The following YJEFN3 variants were observed in gnomAD, a reference collection of about 807,000 sequenced individuals.
The protein encoded by YJEFN3 is yjeF N-terminal domain-containing protein 3.
In YJEFN3, 29 loss-of-function variants were observed where a neutral mutation model predicts 31.5. The observed-to-expected ratio is 0.92, with a 90% CI of 0.69 to 1.26. YJEFN3 has a LOEUF of 1.26. YJEFN3 is among the 50% of genes most tolerant of loss of function. The pLI is 0.00. For synonymous variants in YJEFN3, 227 were observed against 196.1 expected, an observed-to-expected ratio of 1.16 and a Z score of -1.32; for missense variants, 442 against 425.4, an observed-to-expected ratio of 1.04 and a Z score of -0.34.
chr19:19,535,088 G>A lies in YJEFN3; in HGVS notation c.373G>A (p.Gly125Ser). 2 of 1,612,158 alleles carry A rather than the reference G, an allele frequency of 1.2e-6. No homozygotes were observed. The highest frequency in any genetic ancestry group is 1.7e-6 in the Non-Finnish European group (2 of 1,179,162). ...RKQRTVLVVC[G>S]PEQNGAVGLV... ...GCAGAGGACGGTGCTGGTCGTGTGT[G>A]GCCCGGAGCAGAACGGGGCAGTGGG... Residue 125 changes from glycine (G) to serine (S), a missense_variant, in exon 4 of 7, where the codon GGC becomes AGC. Transcript: ENST00000514277.
At chr19:19,536,992 T>C (rs1292826488) in intron 6 of YJEFN3, among the ~76,000 whole-genome samples, 1 of 151,916 alleles carries the variant, frequency 6.6e-6, no homozygotes, top group Non-Finnish European at 1.5e-5. Flanking sequence ...GGCGATTGAA[T>C]AGTAGGATAG....
At chr19:19,535,992 C>T in intron 6 of YJEFN3, 1 of 561,750 alleles carries the variant, frequency 1.8e-6, no homozygotes, top group Non-Finnish European at 3.1e-6. Flanking sequence ...TGGCTGCCGC[C>T]CCATGCCTGT....
At position 19,537,536 on chromosome 19, in the gene YJEFN3, G is replaced by A. The variant is rs570339746; in HGVS notation, c.*12G>A. On this transcript the variant is annotated 3_prime_UTR_variant, in exon 7 of 7. Coordinates refer to ENST00000514277, the MANE Select transcript of YJEFN3 (RefSeq NM_198537.4). ...TCGCGGCACTGTGACCGCCACCCGC[G>A]GCCACACCGCAGGGACCCTCGCCAA... 4 of 1,541,922 alleles carry A rather than the reference G, an allele frequency of 2.6e-6. No homozygotes were observed. The highest frequency in any genetic ancestry group is 1.2e-5 in the South Asian group (1 of 85,218).
chr19:19,532,781 G>A (rs921975954), intron 3 of YJEFN3, 41 bp downstream of exon 3: 2 of 1,458,950 alleles, frequency 1.4e-6, no homozygotes, highest in South Asian at 2.5e-5. Context: ...CCAACCAGAC[G>A]GCCAACTCTC....
intron 3 of YJEFN3, 120 bp downstream of exon 3, chr19:19,532,860 C>T (rs1024893062): frequency 9.1e-7 from 1 of 1,101,208 alleles, no homozygotes. Context: ...TTGGGCCTAC[C>T]CCAGCCTGAT....
intron 3 of YJEFN3, chr19:19,533,576 T>A (rs752839082): frequency 1.9e-4 from 133 of 693,710 alleles, no homozygotes; most frequent in Non-Finnish European, 2.2e-4. Context: ...CCTGTTCTCC[T>A]TCCTCCTTCC....
chr19:19,533,065 C>T (rs902411962), intron 3 of YJEFN3: 6 of 1,136,208 alleles, frequency 5.3e-6, no homozygotes, highest in Admixed American at 9.7e-5. Flanking sequence ...GACATCTGCT[C>T]CTGCGATCTG....
intron 2 of YJEFN3, among the ~76,000 whole-genome samples, chr19:19,531,718 CTTTTTTTTTT>C (rs56747140): frequency 2.0e-4 from 15 of 75,862 alleles, no homozygotes; most frequent in African/African-American, 9.1e-4. Flanking sequence ...AACAAATAAC[CTTTTTTTTTT>C]TTTTTTTTTT....
In YJEFN3 at chr19:19,537,439, G is replaced by C; in HGVS notation, c.815G>C (p.Gly272Ala). ...TCCGGGCGCCACCACTTCGTGGCCG[G>C]CAGGTTCGTGCCCGATGACGTGCGC... ...RFSGRHHFVA[G>A]RFVPDDVRRK... The change falls in exon 7 of 7, where the codon GGC becomes GCC. Residue 272 changes from glycine to alanine, a missense_variant. Transcript: ENST00000514277. 6.3e-7 allele frequency: 1 copy of C among 1,588,072 alleles called. No homozygotes were observed.
At chr19:19,530,949 G>A (rs1422388638) in intron 2 of YJEFN3, among the ~76,000 whole-genome samples, 4 of 152,266 alleles carry the variant, frequency 2.6e-5, no homozygotes, top group Admixed American at 6.5e-5. Flanking sequence ...TGCCCTGTCC[G>A]CTTGATCACT....
chr19:19,534,782 C>T lies in YJEFN3; in HGVS notation c.319-252C>T, dbSNP rs889997944. The T allele has an allele frequency of 1.1e-5, 4 of 375,022 alleles. No individual in the cohort carries two copies. The highest frequency in any genetic ancestry group is 4.2e-5 in the African/African-American group (2 of 48,142). The allele number at this position is 375,022 out of a possible 1,614,324, so 23.2% of individuals were successfully genotyped here. A position where few individuals can be genotyped will look rare whatever the true frequency, so the allele number is the denominator to read the frequency against. The stretch of plus-strand genomic sequence containing the variant: ...AATAAACAAACCGCACTCCGGGCGA[C>T]GGGCAGTGGCTGGATGCACGTTTTT... On this transcript the variant is annotated intron_variant, in intron 3 of 6. Transcript: ENST00000514277. The surrounding 1 kb of genome is among the most constrained non-coding windows in gnomAD (Gnocchi z 4.6).
At position 19,535,597 on chromosome 19, in the gene YJEFN3, C is replaced by A. The variant is rs745669687; in HGVS notation, c.612C>A (p.Gly204=). The change falls in exon 6 of 7, where the codon GGC becomes GGA. Residue 204 remains glycine, a synonymous_variant. Transcript: ENST00000514277. ...DAVLGPGVEP[G]EVGGPCTRAL... is the part of the protein sequence containing the mutation. ...TACTGGGCCCCGGCGTGGAGCCGGG[C>A]GAGGTCGGGGGCCCCTGCACCCGCG... 1.3e-6 allele frequency: 2 copies of A among 1,582,074 alleles called. No homozygotes were observed. The highest frequency in any genetic ancestry group is 1.1e-5 in the South Asian group (1 of 87,166).
intron 2 of YJEFN3, 51 bp downstream of exon 2, chr19:19,529,564 C>T (rs772721643): frequency 6.3e-7 from 1 of 1,590,896 alleles, no homozygotes; most frequent in Admixed American, 1.7e-5. Flanking sequence ...ACTCTCACCT[C>T]ATCCTCCTCA....
chr19:19,533,599 C>A, intron 3 of YJEFN3: 1 of 905,264 alleles, frequency 1.1e-6, no homozygotes, highest in Non-Finnish European at 1.3e-6. Flanking sequence ...CTTACCCTAC[C>A]TCCTCCCCAT....
intron 1 of YJEFN3, 175 bp downstream of exon 1, chr19:19,529,166 G>A (rs1479999848): frequency 4.1e-6 from 6 of 1,455,492 alleles, no homozygotes; most frequent in South Asian, 1.5e-5. Context: ...GGAACCGGAG[G>A]CAGGGATATG....
rs529096359 is a variant in YJEFN3 at position 19,532,332 on chromosome 19, C to T, written c.210-300C>T. On this transcript the variant is annotated intron_variant, in intron 2 of 6. Transcript: ENST00000514277. ...AGCTGGGGACGTCTAGGTCCGGTTC[C>T]GTGTCCCACGCTTTGGAGCAGTAGA... is the stretch of plus-strand genomic sequence containing the variant. 2.0e-5 allele frequency among the ~76,000 whole-genome samples: 3 copies of T among 152,374 alleles called. No individual in the cohort carries two copies. The South Asian group carries it at 6.2e-4, about 32-fold the overall frequency.
intron 2 of YJEFN3, among the ~76,000 whole-genome samples, chr19:19,530,841 T>G (rs1279680632): frequency 6.6e-6 from 1 of 152,192 alleles, no homozygotes; most frequent in Non-Finnish European, 1.5e-5. Context: ...CCAGGGCATG[T>G]GACTTTCCTG....
chr19:19,533,461 C>T, intron 3 of YJEFN3: 1 of 964,734 alleles, frequency 1.0e-6, no homozygotes, highest in Non-Finnish European at 1.2e-6. Flanking sequence ...CCTCCTCCTC[C>T]TGCCCCCTCC....
chr19:19,533,220 G>A, intron 3 of YJEFN3: 2 of 991,134 alleles, frequency 2.0e-6, no homozygotes, highest in Non-Finnish European at 2.4e-6. Flanking sequence ...ACCTCGAGGG[G>A]CCAGGAGGAT....
Sources: gnomAD v4.1 joint callset for allele counts (sites outside exome capture counted in the v4.1 genomes callset) on GRCh38, gnomAD v4.1.1 for gene constraint, Gnocchi (gnomAD v3.1) non-coding constraint, MANE v1.5 for transcripts, NCBI Gene and HGNC (gene_info 2026-07-23, HGNC 2026-07-21) for gene names.